The following RIPOR2 variants were observed in gnomAD, a reference collection of about 807,000 sequenced individuals.
The protein encoded by RIPOR2 is rho family-interacting cell polarization regulator 2.
A neutral mutation model predicts 114.5 loss-of-function variants in RIPOR2; 39 were observed. The observed-to-expected ratio is 0.34, with a 90% CI of 0.26 to 0.44. The LOEUF (loss-of-function observed/expected upper bound fraction) is 0.44. RIPOR2 is among the 20% of genes least tolerant of loss of function. The probability of loss-of-function intolerance (pLI) is 1.00; values close to 1 mark genes in which losing one functional copy is unlikely to be tolerated. For missense variants in RIPOR2, 1,007 were observed against 1,255.1 expected (o/e 0.80, Z 2.99); for synonymous variants, 445 against 484.4 (o/e 0.92, Z 1.07).
intron 1 of RIPOR2, among the ~76,000 whole-genome samples, chr6:24,914,012 C>T (rs1769876454): frequency 6.6e-6 from 1 of 152,072 alleles, no homozygotes; most frequent in South Asian, 2.1e-4. Flanking sequence ...AGGGTATTTT[C>T]CCCCCTCACA....
chr6:24,879,548 T>A (rs1207323911), intron 1 of RIPOR2, among the ~76,000 whole-genome samples: 1 of 152,204 alleles, frequency 6.6e-6, no homozygotes, highest in Non-Finnish European at 1.5e-5. Context: ...AGGTGACACA[T>A]GGCCTAAGGA....
intron 1 of RIPOR2, chr6:25,023,307 A>C (rs1481643321): frequency 1.7e-5 from 13 of 781,802 alleles, no homozygotes; most frequent in Non-Finnish European, 3.0e-5. Context: ...AGCCTGAGGG[A>C]ATTGATGTTG....
intron 13 of RIPOR2, chr6:24,839,636 AC>A: frequency 6.5e-7 from 1 of 1,540,108 alleles, no homozygotes; most frequent in African/African-American, 1.4e-5. Context: ...TTGAAAAAAA[AC>A]AAAAAAAACA....
Position 24,849,857 on chromosome 6 carries a change from C to A in RIPOR2, c.979G>T (p.Ala327Ser), listed in dbSNP as rs1203531335. Reference protein sequence around the residue: ...ELFAARPQVVAVDINDLGTIK... With the variant: ...ELFAARPQVVSVDINDLGTIK... ...GTACCAAGGTCATTGATGTCGACAG[C>A]CACTACCTGAGGTCGGGCTGCAAAC... is the stretch of plus-strand genomic sequence containing the variant. Residue 327 changes from alanine to serine, a missense_variant, in exon 11 of 22, where the codon GCT (alanine) becomes TCT (serine). Coordinates refer to ENST00000643898, the MANE Select transcript of RIPOR2 (RefSeq NM_001286445.3). 1 of 1,613,754 alleles carries A rather than the reference C, an allele frequency of 6.2e-7. No individual in the cohort carries two copies. Among genetic ancestry groups the A allele is most frequent in the Admixed American group, 1.7e-5 (1 of 59,988 alleles).
chr6:24,975,407 A>G (rs1581899703), intron 1 of RIPOR2, among the ~76,000 whole-genome samples: 1 of 152,356 alleles, frequency 6.6e-6, no homozygotes, highest in East Asian at 1.9e-4. Context: ...CAAGAGAAGT[A>G]CAGATGAACA....
At chr6:24,954,046 C>G (rs1343052203) in intron 1 of RIPOR2, among the ~76,000 whole-genome samples, 1 of 152,070 alleles carries the variant, frequency 6.6e-6, no homozygotes, top group Non-Finnish European at 1.5e-5. Flanking sequence ...ACTTCTAGCC[C>G]CAAGAATTGT....
intron 1 of RIPOR2, among the ~76,000 whole-genome samples, chr6:24,908,761 C>T (rs1769235943): frequency 6.6e-6 from 1 of 152,198 alleles, no homozygotes; most frequent in African/African-American, 2.4e-5. Flanking sequence ...GCCTCCTTGG[C>T]TTCTCCAGGT....
At chr6:25,025,156 C>T (rs1429034165) in intron 1 of RIPOR2, among the ~76,000 whole-genome samples, 1 of 152,150 alleles carries the variant, frequency 6.6e-6, no homozygotes, top group Non-Finnish European at 1.5e-5. Context: ...TAACAGGAAG[C>T]CCTCTCTGTC....
At chr6:24,985,726 C>T (rs1451719925) in intron 1 of RIPOR2, among the ~76,000 whole-genome samples, 1 of 152,074 alleles carries the variant, frequency 6.6e-6, no homozygotes, top group African/African-American at 2.4e-5. Flanking sequence ...ATCCATGGGT[C>T]CTAGGTGAAG....
chr6:24,978,774 T>G (rs758330213), intron 1 of RIPOR2, among the ~76,000 whole-genome samples: 2 of 152,222 alleles, frequency 1.3e-5, no homozygotes, highest in Non-Finnish European at 2.9e-5. Context: ...GGGAATAATT[T>G]TTGTTCCACT....
chr6:24,936,635 G>A (rs1771823220), upstream of RIPOR2, among the ~76,000 whole-genome samples: 1 of 152,268 alleles, frequency 6.6e-6, no homozygotes, highest in Admixed American at 6.5e-5. Context: ...AAAGGAGAAA[G>A]AAGAAAATGT....
intron 1 of RIPOR2, among the ~76,000 whole-genome samples, chr6:24,930,301 A>G (rs1262964370): frequency 6.6e-6 from 1 of 152,230 alleles, no homozygotes; most frequent in African/African-American, 2.4e-5. Context: ...CTCAAGCCCT[A>G]TAGAAGACAT....
At chr6:24,990,384 G>C (rs1003322393) in intron 1 of RIPOR2, among the ~76,000 whole-genome samples, 10 of 152,216 alleles carry the variant, frequency 6.6e-5, no homozygotes, top group African/African-American at 2.4e-4. Flanking sequence ...TACCAAAAGA[G>C]GAACTCCAAC....
Position 24,995,423 on chromosome 6 carries a change from T to G in RIPOR2, c.76+46428A>C, listed in dbSNP as rs569334224. Among the ~76,000 whole-genome samples, 297 of 151,976 alleles carry G rather than the reference T, an allele frequency of 2.0e-3. 2 individuals are homozygous for G. Among genetic ancestry groups the G allele is most frequent in the Non-Finnish European group, 2.2e-3 (150 of 67,954 alleles). On this transcript the variant is annotated intron_variant, in intron 1 of 13. Transcript: ENST00000510784. Reference sequence around the variant, plus strand: ...GGGTGGCATCACTGGGGGAAGGGAGTAGGGGCAAGTGGCCACGGGGAGGGA... The same window carrying G: ...GGGTGGCATCACTGGGGGAAGGGAGGAGGGGCAAGTGGCCACGGGGAGGGA...
rs143364804 is a variant in RIPOR2 at position 24,951,476 on chromosome 6, C to T, written c.77-75659G>A. On this transcript the variant is annotated intron_variant, in intron 1 of 13. Transcript: ENST00000510784. ...ATTTTGTTGACAAAGATAAGACTTC[C>T]GTAAAAGGATCCCTTCAAAAGCAGC... Among the ~76,000 whole-genome samples, 368 of 152,218 alleles carry T rather than the reference C, an allele frequency of 2.4e-3. 2 individuals are homozygous for T. The highest frequency in any genetic ancestry group is 8.2e-3 in the African/African-American group (341 of 41,540).
chr6:24,892,104 C>G (rs1767423708), intron 1 of RIPOR2, among the ~76,000 whole-genome samples: 1 of 152,150 alleles, frequency 6.6e-6, no homozygotes, highest in African/African-American at 2.4e-5. Context: ...AGTGATCCAC[C>G]TGCCTCAGCC....
At chr6:24,973,495 G>A (rs751288082) in intron 1 of RIPOR2, among the ~76,000 whole-genome samples, 1 of 151,686 alleles carries the variant, frequency 6.6e-6, no homozygotes, top group East Asian at 1.9e-4. Context: ...TACTTGGGAG[G>A]CTGAGGCAGG....
intron 1 of RIPOR2, among the ~76,000 whole-genome samples, chr6:25,012,489 G>C (rs963957776): frequency 7.2e-5 from 11 of 152,084 alleles, no homozygotes; most frequent in African/African-American, 2.7e-4. Context: ...CATCAATAGA[G>C]AAAATGGGTA....
At chr6:24,940,843 G>A (rs147253162), upstream of RIPOR2, among the ~76,000 whole-genome samples, 1 of 152,202 alleles carries the variant, frequency 6.6e-6, no homozygotes, top group East Asian at 1.9e-4. Context: ...TAGTAGAGAC[G>A]AGGTTTCACC....
Sources: gnomAD v4.1 joint callset for allele counts (sites outside exome capture counted in the v4.1 genomes callset) on GRCh38, gnomAD v4.1.1 for gene constraint, MANE v1.5 for transcripts, NCBI Gene and HGNC (gene_info 2026-07-23, HGNC 2026-07-21) for gene names.